The following CPS1 variants were observed in gnomAD, a reference collection of about 807,000 sequenced individuals.
CPS1 encodes carbamoyl-phosphate synthase [ammonia], mitochondrial.
In CPS1, 109 loss-of-function variants were observed where a neutral mutation model predicts 174.6. The observed-to-expected ratio is 0.62, with a 90% CI of 0.53 to 0.73. The LOEUF (loss-of-function observed/expected upper bound fraction) is 0.73. Ranked by LOEUF, CPS1 falls within the 30% of genes least tolerant of loss-of-function variation. CPS1 has a pLI of 0.00. For synonymous variants in CPS1, 637 were observed against 632.0 expected, an observed-to-expected ratio of 1.01 and a Z score of -0.12; for missense variants, 1,689 against 1,821.9, an observed-to-expected ratio of 0.93 and a Z score of 1.33.
At chr2:210,497,916 A>ATATATATATATATATATATATATATATC (rs1553718852) in intron 1 of CPS1, among the ~76,000 whole-genome samples, 1 of 140,612 alleles carries the variant, frequency 7.1e-6, no homozygotes, top group Non-Finnish European at 1.5e-5. Flanking sequence ...ATATATATAT[A>ATATATATATATATATATATATATATATC]TATCTCCAGT....
intron 1 of CPS1, among the ~76,000 whole-genome samples, chr2:210,505,065 C>T (rs1024809434): frequency 6.6e-6 from 1 of 151,960 alleles, no homozygotes; most frequent in African/African-American, 2.4e-5. Context: ...CCACCACACA[C>T]TCTGCCTAAG....
chr2:210,539,067 A>G (rs1696334263), intron 1 of CPS1, among the ~76,000 whole-genome samples: 1 of 152,132 alleles, frequency 6.6e-6, no homozygotes, highest in Admixed American at 6.5e-5. Context: ...GGCATGCCTT[A>G]GAATTCTTTT....
intron 24 of CPS1, among the ~76,000 whole-genome samples, chr2:210,641,559 C>A (rs771071016): frequency 6.6e-6 from 1 of 152,180 alleles, no homozygotes; most frequent in African/African-American, 2.4e-5. Flanking sequence ...TCAGGAGACA[C>A]GTTCAGGCCA....
chr2:210,497,918 A>ATATATATATATATATATATATATC, intron 1 of CPS1, among the ~76,000 whole-genome samples: 1 of 142,204 alleles, frequency 7.0e-6, no homozygotes, highest in African/African-American at 2.6e-5. Flanking sequence ...ATATATATAT[A>ATATATATATATATATATATATATC]TCTCCAGTAA....
intron 21 of CPS1, among the ~76,000 whole-genome samples, chr2:210,621,933 A>G (rs950736947): frequency 6.6e-6 from 1 of 152,012 alleles, no homozygotes; most frequent in Non-Finnish European, 1.5e-5. Context: ...ACACAACATT[A>G]AGAAATCAGT....
At chr2:210,674,620 G>A in intron 34 of CPS1, 1 of 454,404 alleles carries the variant, frequency 2.2e-6, no homozygotes, top group Non-Finnish European at 4.0e-6. Context: ...AAGTGGATCT[G>A]AACTTACAAA....
intron 1 of CPS1, among the ~76,000 whole-genome samples, chr2:210,481,185 G>A (rs2105940246): frequency 6.6e-6 from 1 of 152,298 alleles, no homozygotes; most frequent in South Asian, 2.1e-4. Context: ...GGTAAAAGAT[G>A]TACAAACATT....
chr2:210,669,022 T>C (rs1381564953), intron 34 of CPS1, among the ~76,000 whole-genome samples: 1 of 152,202 alleles, frequency 6.6e-6, no homozygotes, highest in East Asian at 1.9e-4. Context: ...AGTGACTTAA[T>C]GGGCCTAATA....
At chr2:210,555,051 A>G (rs1341421606), upstream of CPS1, among the ~76,000 whole-genome samples, 1 of 151,966 alleles carries the variant, frequency 6.6e-6, no homozygotes, top group African/African-American at 2.4e-5. Context: ...AAATACTTCC[A>G]TGACTATTAT....
chr2:210,671,033 T>C (rs1299277295), intron 34 of CPS1, among the ~76,000 whole-genome samples: 3 of 152,206 alleles, frequency 2.0e-5, no homozygotes, highest in Non-Finnish European at 4.4e-5. Context: ...GATTTTCCTG[T>C]AATATTTCTA....
intron 1 of CPS1, among the ~76,000 whole-genome samples, chr2:210,539,131 G>T (rs1471312888): frequency 2.0e-5 from 3 of 152,164 alleles, no homozygotes; most frequent in South Asian, 4.1e-4. Context: ...TCACTTATGT[G>T]CTTCACTTTC....
rs35970365 is a variant in CPS1 at position 210,655,075 on chromosome 2, C to CT, written c.3558+981dup. Among the ~76,000 whole-genome samples the CT allele has an allele frequency of 1.7e-4, 26 of 151,926 alleles. 1 individual carries two copies. The highest frequency in any genetic ancestry group is 6.6e-4 in the Admixed American group (10 of 15,240). On this transcript the variant is annotated intron_variant, in intron 29 of 37. Transcript: ENST00000233072. ...ATTGTAAGATTATATATTGTGGTCA[C>CT]TTTTTTTTGACATCTCAGGTATTCT...
chr2:210,656,699 T>G, intron 30 of CPS1, 67 bp downstream of exon 30: 2 of 1,197,408 alleles, frequency 1.7e-6, no homozygotes, highest in South Asian at 1.3e-5. Context: ...TAAGGTTTTT[T>G]TTTTTTTTTT....
intron 1 of CPS1, among the ~76,000 whole-genome samples, chr2:210,562,470 C>A (rs1206041991): frequency 1.3e-5 from 2 of 152,056 alleles, no homozygotes; most frequent in African/African-American, 4.8e-5. Context: ...TTCTAAATTT[C>A]AAAAATCCAT....
At chr2:210,585,454 C>G (rs1406687554) in intron 6 of CPS1, among the ~76,000 whole-genome samples, 2 of 151,990 alleles carry the variant, frequency 1.3e-5, no homozygotes, top group African/African-American at 4.8e-5. Flanking sequence ...CTTCTCAATG[C>G]TTTACACTGA....
At chr2:210,676,049 ACTT>A (rs1245439773) in intron 36 of CPS1, among the ~76,000 whole-genome samples, 1 of 152,254 alleles carries the variant, frequency 6.6e-6, no homozygotes, top group Non-Finnish European at 1.5e-5. Context: ...GTTTCAAAAT[ACTT>A]CTTAGTAAGG....
intron 7 of CPS1, among the ~76,000 whole-genome samples, chr2:210,589,226 G>A (rs538445515): frequency 6.6e-6 from 1 of 152,098 alleles, no homozygotes; most frequent in African/African-American, 2.4e-5. Flanking sequence ...ATTTATTGGG[G>A]TGTTTCATGA....
chr2:210,492,872 G>C (rs1158100176), intron 1 of CPS1, among the ~76,000 whole-genome samples: 2 of 152,134 alleles, frequency 1.3e-5, no homozygotes, highest in Admixed American at 1.3e-4. Context: ...CATTGTGATA[G>C]AGTAATGTGT....
intron 25 of CPS1, among the ~76,000 whole-genome samples, chr2:210,643,298 T>A (rs1026032564): frequency 6.6e-5 from 10 of 152,204 alleles, no homozygotes; most frequent in African/African-American, 2.4e-4. Context: ...ACTATAAGAC[T>A]GTAGAACAAA....
Sources: gnomAD v4.1 joint callset for allele counts (sites outside exome capture counted in the v4.1 genomes callset) on GRCh38, gnomAD v4.1.1 for gene constraint, MANE v1.5 for transcripts, NCBI Gene and HGNC (gene_info 2026-07-23, HGNC 2026-07-21) for gene names.